SLC25A48: variants seen among roughly 807,000 people sequenced by gnomAD.
The protein encoded by SLC25A48 is CTC-321K16.1.
SLC25A48 carries 29 observed loss-of-function variants against 32.2 expected under a neutral mutation model. The observed-to-expected ratio is 0.90, with a 90% confidence interval of 0.67 to 1.23. The LOEUF (loss-of-function observed/expected upper bound fraction) is 1.23. Ranked by LOEUF, SLC25A48 falls within the 50% of genes most tolerant of loss-of-function variation. The pLI is 0.00. For synonymous variants in SLC25A48, 164 were observed against 172.3 expected (o/e 0.95, Z 0.38); for missense variants, 399 against 422.7 (o/e 0.94, Z 0.49).
intron 5 of SLC25A48, chr5:135,872,740 G>C (rs544905807): frequency 6.6e-6 from 1 of 152,318 alleles, no homozygotes; most frequent in Admixed American, 6.5e-5. Flanking sequence ...TGATGGGAAA[G>C]ATCTAACAGA....
chr5:135,771,820 G>A (rs913651095), intron 3 of SLC25A48, among the ~76,000 whole-genome samples: 1 of 151,068 alleles, frequency 6.6e-6, no homozygotes, highest in South Asian at 2.1e-4. Flanking sequence ...AGGGGGGGGA[G>A]AACATAATAT....
intron 3 of SLC25A48, chr5:135,650,249 A>G: frequency 2.9e-6 from 1 of 350,832 alleles, no homozygotes; most frequent in African/African-American, 2.2e-5. Flanking sequence ...TGATTCTCTA[A>G]GCCACACACT....
chr5:135,802,484 G>C (rs1757355731), intron 3 of SLC25A48, among the ~76,000 whole-genome samples: 1 of 151,382 alleles, frequency 6.6e-6, no homozygotes, highest in African/African-American at 2.4e-5. Flanking sequence ...CACCATATAT[G>C]TACACTTTTT....
chr5:135,721,192 C>CTTTTTTTTTATTTTTTTTTTTTT (rs1754944975), intron 3 of SLC25A48, among the ~76,000 whole-genome samples: 1 of 53,866 alleles, frequency 1.9e-5, no homozygotes, highest in Non-Finnish European at 4.2e-5. Flanking sequence ...CATGCCTGGC[C>CTTTTTTTTTATTTTTTTTTTTTT]TTTTTTTTTT....
intron 1 of SLC25A48, among the ~76,000 whole-genome samples, chr5:135,592,446 C>T (rs1282703802): frequency 1.3e-5 from 2 of 152,140 alleles, no homozygotes; most frequent in African/African-American, 2.4e-5. Context: ...CAGATTAGTA[C>T]CAGGACTGTA....
intron 3 of SLC25A48, among the ~76,000 whole-genome samples, chr5:135,770,040 T>C (rs1328000598): frequency 6.6e-6 from 1 of 151,266 alleles, no homozygotes; most frequent in Non-Finnish European, 1.5e-5. Context: ...CTCCCAATAT[T>C]GAAAGGAGTG....
chr5:135,586,842 G>A (rs143222934), intron 1 of SLC25A48, among the ~76,000 whole-genome samples: 407 of 152,190 alleles, frequency 2.7e-3, no homozygotes, highest in African/African-American at 9.2e-3. Flanking sequence ...AGGAGTTTGG[G>A]CTTCATCACC....
intron 1 of SLC25A48, among the ~76,000 whole-genome samples, chr5:135,585,587 C>T (rs1300739704): frequency 6.6e-6 from 1 of 152,176 alleles, no homozygotes; most frequent in South Asian, 2.1e-4. Flanking sequence ...AGCACAGGGC[C>T]GGGCACACAG....
intron 3 of SLC25A48, among the ~76,000 whole-genome samples, chr5:135,765,857 G>A (rs1039673430): frequency 2.0e-5 from 3 of 150,456 alleles, no homozygotes; most frequent in Non-Finnish European, 3.0e-5. Flanking sequence ...AGGAGAGGGG[G>A]ATACTATTCC....
chr5:135,775,577 G>A (rs1322971251), intron 3 of SLC25A48, among the ~76,000 whole-genome samples: 1 of 151,166 alleles, frequency 6.6e-6, no homozygotes, highest in Non-Finnish European at 1.5e-5. Context: ...AATATCTGGT[G>A]GGGGGGAAAT....
chr5:135,650,467 G>A (rs1427659373), intron 3 of SLC25A48: 2 of 455,716 alleles, frequency 4.4e-6, no homozygotes, highest in Non-Finnish European at 4.4e-6. Flanking sequence ...GGAACCAGCC[G>A]GGTTCATCAG....
At chr5:135,604,009 C>G (rs1002005487) in intron 1 of SLC25A48, among the ~76,000 whole-genome samples, 9 of 152,194 alleles carry the variant, frequency 5.9e-5, no homozygotes, top group African/African-American at 1.7e-4. Context: ...AGAAAACAAA[C>G]AGCTTTGACT....
At chr5:135,824,685 C>G (rs2304071) in intron 4 of SLC25A48, 1 of 152,098 alleles carries the variant, frequency 6.6e-6, no homozygotes, top group Admixed American at 6.5e-5. Flanking sequence ...CCCTTACTAC[C>G]GCTCTGAGGA....
chr5:135,710,993 T>A (rs1561458522), intron 3 of SLC25A48, among the ~76,000 whole-genome samples: 1 of 152,194 alleles, frequency 6.6e-6, no homozygotes, highest in Non-Finnish European at 1.5e-5. Flanking sequence ...AAATATAAGT[T>A]GGATGGTTAC....
chr5:135,581,817 G>A (rs1751240696), intron 1 of SLC25A48, among the ~76,000 whole-genome samples: 1 of 152,250 alleles, frequency 6.6e-6, no homozygotes, highest in Non-Finnish European at 1.5e-5. Context: ...CATGGTACAG[G>A]AGAGCATGAG....
intron 3 of SLC25A48, among the ~76,000 whole-genome samples, chr5:135,790,486 T>C (rs1245604552): frequency 6.6e-6 from 1 of 151,902 alleles, no homozygotes. Flanking sequence ...ATGTTACTTC[T>C]AATGTCACAG....
At chr5:135,719,353 T>C (rs1376791580) in intron 3 of SLC25A48, among the ~76,000 whole-genome samples, 6 of 151,902 alleles carry the variant, frequency 3.9e-5, no homozygotes, top group Admixed American at 3.3e-4. Context: ...AGGCAGTAGG[T>C]GTGTATGGGT....
chr5:135,822,274 G>T (rs975113201), intron 4 of SLC25A48: 10 of 152,400 alleles, frequency 6.6e-5, no homozygotes, highest in African/African-American at 1.9e-4. Context: ...CCACAAATGA[G>T]CCATCCAGCA....
At chr5:135,778,845 C>CA (rs1756643354) in intron 3 of SLC25A48, among the ~76,000 whole-genome samples, 1 of 3,156 alleles carries the variant, frequency 3.2e-4, no homozygotes, top group Non-Finnish European at 8.0e-4. Flanking sequence ...ACACACCCCC[C>CA]CCGCCCCGCC....
Sources: gnomAD v4.1 joint callset for allele counts (sites outside exome capture counted in the v4.1 genomes callset) on GRCh38, gnomAD v4.1.1 for gene constraint, MANE v1.5 for transcripts, NCBI Gene and HGNC (gene_info 2026-07-23, HGNC 2026-07-21) for gene names.